Variants in GRIN2B observed in about 807,000 individuals in gnomAD.
GRIN2B encodes the protein glutamate ionotropic receptor NMDA type subunit 2B, also known as glutamate receptor ionotropic, NMDA 2B.
Under a neutral mutation model 114.5 loss-of-function variants are expected in GRIN2B, and 5 were observed. The ratio of observed to expected loss-of-function variants is 0.04; its 90% confidence interval spans 0.02 to 0.09. The LOEUF (loss-of-function observed/expected upper bound fraction) is 0.09. GRIN2B is among the 10% of genes least tolerant of loss of function. The pLI is 1.00. For synonymous variants in GRIN2B, 787 were observed against 745.1 expected (o/e 1.06, Z -0.92); for missense variants, 1,108 against 1,943.5 (o/e 0.57, Z 8.08).
chr12:13,724,602 T>A (rs1862943999), intron 4 of GRIN2B, among the ~76,000 whole-genome samples: 1 of 152,130 alleles, frequency 6.6e-6, no homozygotes, highest in South Asian at 2.1e-4. Context: ...GTATTAATTT[T>A]ATGTGAGACT....
At chr12:13,872,818 C>A (rs1339051831) in intron 2 of GRIN2B, among the ~76,000 whole-genome samples, 1 of 152,012 alleles carries the variant, frequency 6.6e-6, no homozygotes. Context: ...CTTAACAAGA[C>A]CTCTACAGCA....
chr12:13,622,501 T>G (rs1039981005), intron 5 of GRIN2B, among the ~76,000 whole-genome samples: 1 of 152,218 alleles, frequency 6.6e-6, no homozygotes, highest in African/African-American at 2.4e-5. Context: ...TTTTAATGTT[T>G]GAGTATATGA....
At chr12:13,577,447 G>T (rs1452204664) in intron 10 of GRIN2B, among the ~76,000 whole-genome samples, 4 of 152,132 alleles carry the variant, frequency 2.6e-5, no homozygotes, top group Non-Finnish European at 5.9e-5. Flanking sequence ...GTGCTCAAGG[G>T]CCAGGAGTCA....
intron 2 of GRIN2B, among the ~76,000 whole-genome samples, chr12:13,957,220 A>C (rs1867608562): frequency 6.6e-6 from 1 of 152,124 alleles, no homozygotes; most frequent in Non-Finnish European, 1.5e-5. Context: ...CAAGTCTGCC[A>C]TTGGGAGCCT....
rs1591643082 is a variant in GRIN2B at position 13,615,801 on chromosome 12, A to ACTCGAGTG, written c.1329-145_1329-138dup. On this transcript the variant is annotated intron_variant, in intron 6 of 13. Coordinates refer to ENST00000609686, the MANE Select transcript of GRIN2B (RefSeq NM_000834.5). This position sits in a 1 kb window ranked among gnomAD's most constrained non-coding sequence, Gnocchi z 5.8. ...CACAGCTCAGCACAATTTATACTAG[A>ACTCGAGTG]CTCGAGTGAAGAAATAAAGCAGGCA... 2.7e-6 allele frequency: 2 copies of ACTCGAGTG among 730,828 alleles called. No individual in the cohort carries two copies. The highest frequency in any genetic ancestry group is 5.0e-5 in the East Asian group (2 of 39,688). The allele number at this position is 730,828 out of a possible 1,614,324, so 45.3% of individuals were successfully genotyped here. A position where few individuals can be genotyped will look rare whatever the true frequency, so the allele number is the denominator to read the frequency against.
chr12:13,583,685 C>T (rs1461023829), intron 10 of GRIN2B, among the ~76,000 whole-genome samples: 1 of 152,158 alleles, frequency 6.6e-6, no homozygotes, highest in Non-Finnish European at 1.5e-5. Flanking sequence ...CCAACTCCTC[C>T]AGATTGGCCA....
intron 4 of GRIN2B, among the ~76,000 whole-genome samples, chr12:13,720,745 A>C (rs1489319102): frequency 6.6e-6 from 1 of 152,054 alleles, no homozygotes; most frequent in East Asian, 1.9e-4. Context: ...TGGAGGTGTG[A>C]GGCAGAAACC....
At chr12:13,897,757 AAG>A (rs1866376686) in intron 2 of GRIN2B, among the ~76,000 whole-genome samples, 1 of 152,140 alleles carries the variant, frequency 6.6e-6, no homozygotes, top group Non-Finnish European at 1.5e-5. Context: ...ATAAAGCAGA[AAG>A]AGATGGATGA....
At position 13,546,729 on chromosome 12, in the gene GRIN2B, G is replaced by C. The variant is rs1363946031; in HGVS notation, c.*16054C>G. 6.6e-6 allele frequency: 1 copy of C among 152,134 alleles called. No homozygotes were observed. The highest frequency in any genetic ancestry group is 1.5e-5 in the Non-Finnish European group (1 of 68,046). 9.4% of individuals were successfully genotyped at this position (152,134 alleles called of 1,614,324 possible). A position where few individuals can be genotyped will look rare whatever the true frequency, so the allele number is the denominator to read the frequency against. On this transcript the variant is annotated 3_prime_UTR_variant, in exon 14 of 14. Transcript: ENST00000609686. ...GAAACACTTGCCTCCTATGAACCCAGGGCCAAGGGGAGCTGAGGATAGTGT... is the reference window on the plus strand; with the variant it reads ...GAAACACTTGCCTCCTATGAACCCACGGCCAAGGGGAGCTGAGGATAGTGT...
At chr12:13,576,238 G>A (rs1948774302) in intron 10 of GRIN2B, among the ~76,000 whole-genome samples, 1 of 152,192 alleles carries the variant, frequency 6.6e-6, no homozygotes, top group Non-Finnish European at 1.5e-5. Flanking sequence ...GGCCCGTGGG[G>A]AAGAAGGAAA....
chr12:13,863,773 T>C (rs1865784281), intron 3 of GRIN2B, among the ~76,000 whole-genome samples: 2 of 152,186 alleles, frequency 1.3e-5, no homozygotes, highest in South Asian at 2.1e-4. Flanking sequence ...AGCAATCAGC[T>C]AGTTTAGGCA....
intron 4 of GRIN2B, among the ~76,000 whole-genome samples, chr12:13,729,161 C>T (rs980328432): frequency 5.9e-5 from 9 of 152,196 alleles, no homozygotes; most frequent in Non-Finnish European, 1.3e-4. Flanking sequence ...CTATCCTGTG[C>T]TTTAAACAAA....
intron 5 of GRIN2B, among the ~76,000 whole-genome samples, chr12:13,631,199 C>G (rs1949613028): frequency 6.6e-6 from 1 of 152,136 alleles, no homozygotes; most frequent in Non-Finnish European, 1.5e-5. Flanking sequence ...TCTTGTGCAA[C>G]TTTTTCCTCC....
Position 13,830,976 on chromosome 12 carries a change from G to A in GRIN2B, c.411+34822C>T, listed in dbSNP as rs74067111. On this transcript the variant is annotated intron_variant, in intron 3 of 13. Coordinates refer to ENST00000609686, the MANE Select transcript of GRIN2B (RefSeq NM_000834.5). Reference sequence around the variant, plus strand: ...TCCTAATGGGAAGTGTTTGGGTCATGGAGGTGGATCTCTCATGAATGGCTT... The same window carrying A: ...TCCTAATGGGAAGTGTTTGGGTCATAGAGGTGGATCTCTCATGAATGGCTT... Among the ~76,000 whole-genome samples, 1,292 of 152,346 alleles carry A rather than the reference G, an allele frequency of 8.5e-3. 21 individuals carry two copies. Among genetic ancestry groups the A allele is most frequent in the African/African-American group, 0.029 (1,207 of 41,584 alleles).
chr12:13,668,815 A>T (rs1018506508), intron 5 of GRIN2B, among the ~76,000 whole-genome samples: 1 of 151,772 alleles, frequency 6.6e-6, no homozygotes, highest in Non-Finnish European at 1.5e-5. Flanking sequence ...TGTTTTTCCC[A>T]GCCACCAGGA....
chr12:13,707,804 AT>A (rs1397134528), intron 4 of GRIN2B, among the ~76,000 whole-genome samples: 1 of 152,126 alleles, frequency 6.6e-6, no homozygotes, highest in Non-Finnish European at 1.5e-5. Flanking sequence ...GAATATTTCT[AT>A]TCAATGCCTG....
chr12:13,624,050 T>G (rs2136490302), intron 5 of GRIN2B, among the ~76,000 whole-genome samples: 1 of 152,306 alleles, frequency 6.6e-6, no homozygotes, highest in African/African-American at 2.4e-5. Context: ...TCCACTGCCA[T>G]GATACTGTCC....
At position 13,874,170 on chromosome 12, in the gene GRIN2B, G is replaced by C. The variant is rs1255792036; in HGVS notation, c.-18-7944C>G. ...CAATATTTCTGCTACATCTTTCCTGGAACCTCTCCCGAGTAAGAGCCTTCT... is the reference window on the plus strand; with the variant it reads ...CAATATTTCTGCTACATCTTTCCTGCAACCTCTCCCGAGTAAGAGCCTTCT... On this transcript the variant is annotated intron_variant, in intron 2 of 13. Transcript: ENST00000609686. Among the ~76,000 whole-genome samples, 3 of 152,090 alleles carry C rather than the reference G, an allele frequency of 2.0e-5. 1 individual carries two copies. Among genetic ancestry groups the C allele is most frequent in the Middle Eastern group, 6.3e-3 (2 of 316 alleles).
intron 3 of GRIN2B, among the ~76,000 whole-genome samples, chr12:13,795,098 A>G (rs1864394232): frequency 6.6e-6 from 1 of 152,254 alleles, no homozygotes. Flanking sequence ...AATGACTAGG[A>G]TACATAATCA....
Sources: gnomAD v4.1 joint callset for allele counts (sites outside exome capture counted in the v4.1 genomes callset) on GRCh38, gnomAD v4.1.1 for gene constraint, Gnocchi (gnomAD v3.1) non-coding constraint, MANE v1.5 for transcripts, NCBI Gene and HGNC (gene_info 2026-07-23, HGNC 2026-07-21) for gene names.